The following MARCHF8 variants were observed in gnomAD, a reference collection of about 807,000 sequenced individuals.
MARCHF8 encodes E3 ubiquitin-protein ligase MARCHF8.
Under a neutral mutation model 51.6 loss-of-function variants are expected in MARCHF8, and 40 were observed. The observed-to-expected ratio is 0.77, with a 90% CI of 0.60 to 1.01. The LOEUF (loss-of-function observed/expected upper bound fraction) is 1.01, where lower values mean the gene tolerates loss of function less well. Ranked by LOEUF, MARCHF8 falls within the 50% of genes least tolerant of loss-of-function variation. The pLI is 0.00. For synonymous variants in MARCHF8, 263 were observed against 280.3 expected, an observed-to-expected ratio of 0.94 and a Z score of 0.62; for missense variants, 685 against 708.6, an observed-to-expected ratio of 0.97 and a Z score of 0.38.
At position 45,456,480 on chromosome 10, in the gene MARCHF8, C is replaced by T. The variant is rs1026574661; in HGVS notation, c.*1759G>A. 2.0e-5 allele frequency: 3 copies of T among 152,232 alleles called. No individual in the cohort carries two copies. The highest frequency in any genetic ancestry group is 4.4e-5 in the Non-Finnish European group (3 of 68,082). The allele number at this position is 152,232 out of a possible 1,614,324, so 9.4% of individuals were successfully genotyped here. A position where few individuals can be genotyped will look rare whatever the true frequency, so the allele number is the denominator to read the frequency against. On this transcript the variant is annotated 3_prime_UTR_variant, in exon 8 of 8. Transcript: ENST00000453424. ...AGGACAAAGCCTGCTGCTATTAAGC[C>T]CACACCGTAGCTTAGAGATCCTTCA...
intron 2 of MARCHF8, among the ~76,000 whole-genome samples, chr10:45,504,199 AC>A (rs2043336249): frequency 6.6e-6 from 1 of 152,248 alleles, no homozygotes; most frequent in Non-Finnish European, 1.5e-5. Flanking sequence ...TAATGCCAGC[AC>A]TTTGGGAGGC....
In MARCHF8 at chr10:45,507,299, G is replaced by C. The variant is rs545926004; in HGVS notation, c.103-17882C>G. On this transcript the variant is annotated intron_variant, in intron 2 of 7. Transcript: ENST00000453424. The stretch of plus-strand genomic sequence containing the variant: ...GCTGGTTGTTCCAGAACGAGAAAGA[G>C]GGTTGTCTCAGTCTGTTCGCATTAC... 2.5e-3 allele frequency among the ~76,000 whole-genome samples: 387 copies of C among 152,272 alleles called. 1 individual carries two copies. Among genetic ancestry groups the C allele is most frequent in the African/African-American group, 8.9e-3 (368 of 41,558 alleles).
chr10:45,580,279 C>T (rs1282298113), intron 1 of MARCHF8, among the ~76,000 whole-genome samples: 1 of 151,668 alleles, frequency 6.6e-6, no homozygotes, highest in Non-Finnish European at 1.5e-5. Flanking sequence ...ATAAAGTTTA[C>T]AAAATGGGCA....
intron 1 of MARCHF8, among the ~76,000 whole-genome samples, chr10:45,580,073 T>C (rs2133419595): frequency 6.9e-6 from 1 of 144,488 alleles, no homozygotes; most frequent in East Asian, 2.1e-4. Context: ...AAAGAAATAA[T>C]CTAAACTGTG....
chr10:45,537,190 G>C (rs1461993138), upstream of MARCHF8, among the ~76,000 whole-genome samples: 2 of 151,996 alleles, frequency 1.3e-5, no homozygotes, highest in Non-Finnish European at 2.9e-5. Context: ...GTCCATGAAT[G>C]TTTCTATCAC....
chr10:45,513,286 C>CTA (rs1258312039), intron 2 of MARCHF8, among the ~76,000 whole-genome samples: 1 of 151,880 alleles, frequency 6.6e-6, no homozygotes, highest in Non-Finnish European at 1.5e-5. Context: ...TCCTACAGTG[C>CTA]TATATGAGCA....
chr10:45,547,097 G>A (rs1406351006), intron 1 of MARCHF8, among the ~76,000 whole-genome samples: 2 of 151,694 alleles, frequency 1.3e-5, no homozygotes, highest in African/African-American at 4.8e-5. Flanking sequence ...GGTAATAAAG[G>A]GTACAATAAA....
chr10:45,573,432 T>G (rs2133397432), intron 1 of MARCHF8, among the ~76,000 whole-genome samples: 1 of 152,280 alleles, frequency 6.6e-6, no homozygotes, highest in South Asian at 2.1e-4. Context: ...TCCAAACACC[T>G]GAACTGCAGC....
intron 2 of MARCHF8, among the ~76,000 whole-genome samples, chr10:45,513,365 T>TAACC (rs2043565829): frequency 1.3e-5 from 2 of 152,214 alleles, no homozygotes; most frequent in Non-Finnish European, 2.9e-5. Flanking sequence ...ACACGTTTAT[T>TAACC]AACCACCTAC....
At chr10:45,461,436 T>C (rs748058809) in intron 5 of MARCHF8, 25 bp from the exon 6 acceptor site, 9 of 1,507,534 alleles carry the variant, frequency 6.0e-6, no homozygotes, top group South Asian at 1.3e-5. Flanking sequence ...AAACCTGTCA[T>C]TCCAAGGACA....
At chr10:45,461,197 C>G in intron 6 of MARCHF8, 34 bp downstream of exon 6, 1 of 1,419,916 alleles carries the variant, frequency 7.0e-7, no homozygotes, top group Non-Finnish European at 9.3e-7. Flanking sequence ...TCACTGGTTT[C>G]AGGAAGGGTG....
At chr10:45,512,405 AG>A (rs1275518428) in intron 2 of MARCHF8, among the ~76,000 whole-genome samples, 2 of 144,598 alleles carry the variant, frequency 1.4e-5, no homozygotes, top group Non-Finnish European at 3.0e-5. Context: ...TCGGGGGGTC[AG>A]CCCCCCGCCC....
intron 3 of MARCHF8, among the ~76,000 whole-genome samples, chr10:45,469,635 G>A (rs933255412): frequency 1.3e-5 from 2 of 152,106 alleles, no homozygotes; most frequent in East Asian, 3.9e-4. Flanking sequence ...GGGGGCCGAG[G>A]CGGGCGGATC....
Position 45,487,803 on chromosome 10 carries a change from A to G in MARCHF8, c.153+1564T>C, listed in dbSNP as rs114779207. On this transcript the variant is annotated intron_variant, in intron 3 of 7. Coordinates refer to ENST00000453424, the MANE Select transcript of MARCHF8 (RefSeq NM_001282866.2). ...AATAAGGTGACCTGAATGAAAACAT[A>G]TATGTAGTCAGCACATTAAAATGGC... is the stretch of plus-strand genomic sequence containing the variant. 3.8e-3 allele frequency among the ~76,000 whole-genome samples: 575 copies of G among 152,254 alleles called. 3 individuals carry two copies. The highest frequency in any genetic ancestry group is 0.013 in the African/African-American group (550 of 41,532).
At chr10:45,590,640 A>G (rs1468367588) in intron 1 of MARCHF8, among the ~76,000 whole-genome samples, 2 of 152,274 alleles carry the variant, frequency 1.3e-5, no homozygotes, top group Non-Finnish European at 2.9e-5. Context: ...AAAAGTCCAC[A>G]TAGCATGATG....
intron 3 of MARCHF8, among the ~76,000 whole-genome samples, chr10:45,486,130 C>T (rs1388222230): frequency 6.6e-6 from 1 of 152,184 alleles, no homozygotes; most frequent in Non-Finnish European, 1.5e-5. Flanking sequence ...TTCACGTTGA[C>T]AGGTTAACCA....
chr10:45,532,562 T>C (rs1994426), intron 2 of MARCHF8, among the ~76,000 whole-genome samples: 117,586 of 152,170 alleles, frequency 0.77, 45,604 homozygotes, highest in Middle Eastern at 0.81. Flanking sequence ...TTCCTCCCTC[T>C]ATGCCATGTG....
At chr10:45,585,850 A>T (rs1159610912) in intron 1 of MARCHF8, among the ~76,000 whole-genome samples, 2 of 152,198 alleles carry the variant, frequency 1.3e-5, no homozygotes, top group Admixed American at 1.3e-4. Context: ...AATAATTCAA[A>T]TGATATAAAG....
intron 1 of MARCHF8, among the ~76,000 whole-genome samples, chr10:45,577,447 T>C (rs1402374986): frequency 6.6e-6 from 1 of 152,198 alleles, no homozygotes; most frequent in Non-Finnish European, 1.5e-5. Flanking sequence ...TTATTTCACA[T>C]TGCATGCCTG....
Sources: allele counts gnomAD v4.1 joint callset (sites outside exome capture counted in the v4.1 genomes callset), GRCh38; gene constraint gnomAD v4.1.1; transcripts MANE v1.5; gene names NCBI Gene and HGNC (gene_info 2026-07-23, HGNC 2026-07-21).